CCDC152: variants seen among roughly 807,000 people sequenced by gnomAD.
The protein encoded by CCDC152 is coiled-coil domain containing 152.
In CCDC152, 37 loss-of-function variants were observed where a neutral mutation model predicts 38.1. That is an observed-to-expected ratio of 0.97 (90% CI 0.75 to 1.28). CCDC152 has a LOEUF of 1.28. Ranked by LOEUF, CCDC152 falls within the 50% of genes most tolerant of loss-of-function variation. The pLI, the probability that CCDC152 is intolerant of heterozygous loss-of-function variation, is 0.00. For missense variants in CCDC152, 259 were observed against 292.1 expected, an observed-to-expected ratio of 0.89 and a Z score of 0.83; for synonymous variants, 83 against 87.1, an observed-to-expected ratio of 0.95 and a Z score of 0.26.
chr5:42,775,001 G>C (rs1759753038), intron 4 of CCDC152, among the ~76,000 whole-genome samples: 1 of 140,726 alleles, frequency 7.1e-6, no homozygotes, highest in Non-Finnish European at 1.5e-5. Flanking sequence ...TATGTCAATA[G>C]AAACTTCCGA....
At chr5:42,799,539 TAAC>T (rs1265429131) in intron 8 of CCDC152, 81 bp downstream of exon 8, 2 of 1,168,744 alleles carry the variant, frequency 1.7e-6, no homozygotes, top group East Asian at 5.1e-5. Flanking sequence ...TAATTCTTAT[TAAC>T]AATATAAGGT....
intron 6 of CCDC152, among the ~76,000 whole-genome samples, chr5:42,793,842 C>T (rs1172651523): frequency 6.6e-6 from 1 of 152,174 alleles, no homozygotes; most frequent in African/African-American, 2.4e-5. Flanking sequence ...CTCCTGACCT[C>T]AGGTGAGCCA....
intron 6 of CCDC152, among the ~76,000 whole-genome samples, chr5:42,787,724 A>T (rs1031861170): frequency 6.6e-6 from 1 of 151,724 alleles, no homozygotes; most frequent in East Asian, 1.9e-4. Flanking sequence ...TGTCTTTTTT[A>T]CTGTTGTTGG....
Position 42,792,963 on chromosome 5 carries a change from G to A in CCDC152, c.431-3866G>A, listed in dbSNP as rs910168736. 5.3e-5 allele frequency among the ~76,000 whole-genome samples: 8 copies of A among 152,238 alleles called. No individual in the cohort carries two copies. In the East Asian group the frequency reaches 1.4e-3, roughly 26 times the overall value. On this transcript the variant is annotated intron_variant, in intron 6 of 8. Transcript: ENST00000361970. ...CGCACTCCTGGGTATTTACCCAAGAGGAATGAAAGCATATGTCTACCCAAA... is the reference window on the plus strand; with the variant it reads ...CGCACTCCTGGGTATTTACCCAAGAAGAATGAAAGCATATGTCTACCCAAA...
At chr5:42,799,262 A>G (rs1760125706) in intron 7 of CCDC152, 113 bp from the exon 8 acceptor site, 1 of 583,030 alleles carries the variant, frequency 1.7e-6, no homozygotes, top group Non-Finnish European at 2.9e-6. Context: ...CTATACTGTA[A>G]TTTACACCTG....
In CCDC152 at chr5:42,779,459, T is replaced by A; in HGVS notation, c.264T>A (p.Gly88=). The change falls in exon 5 of 9, where the codon GGT becomes GGA. Residue 88 remains glycine, a splice_region_variant and synonymous_variant. Transcript: ENST00000361970. ...QTIEYQQNLK[G]ENEQLKISAD... is the part of the protein sequence containing the mutation. ...TGTTCTTTGATTATTCTTACACAGG[T>A]GAAAATGAACAACTAAAAATAAGTG... 1 of 1,477,634 alleles carries A rather than the reference T, an allele frequency of 6.8e-7. No homozygotes were observed. The highest frequency in any genetic ancestry group is 9.2e-7 in the Non-Finnish European group (1 of 1,082,110). 91.5% of individuals were successfully genotyped at this position (1,477,634 alleles called of 1,614,324 possible).
intron 3 of CCDC152, 98 bp from the exon 4 acceptor site, chr5:42,769,499 T>G (rs555232278): frequency 0.022 from 28,152 of 1,294,640 alleles, 378 homozygotes; most frequent in Middle Eastern, 0.051. Flanking sequence ...TCACCATGCC[T>G]GGCTTAAATA....
At chr5:42,774,678 TCTC>T (rs1175937061) in intron 4 of CCDC152, among the ~76,000 whole-genome samples, 4 of 152,088 alleles carry the variant, frequency 2.6e-5, no homozygotes, top group Non-Finnish European at 4.4e-5. Flanking sequence ...ATAGAATACT[TCTC>T]CTTCTGCAAC....
intron 4 of CCDC152, among the ~76,000 whole-genome samples, chr5:42,770,536 G>A (rs927380567): frequency 6.6e-6 from 1 of 150,934 alleles, no homozygotes; most frequent in Non-Finnish European, 1.5e-5. Context: ...TCTGATTATT[G>A]TAGCTCTATA....
At chr5:42,797,281 CCTTT>C (rs2111603338) in intron 7 of CCDC152, among the ~76,000 whole-genome samples, 1 of 152,308 alleles carries the variant, frequency 6.6e-6, no homozygotes, top group South Asian at 2.1e-4. Context: ...TAACTGCAGG[CCTTT>C]CTGACTGCAG....
chr5:42,771,036 A>G (rs1759691765), intron 4 of CCDC152, among the ~76,000 whole-genome samples: 1 of 152,150 alleles, frequency 6.6e-6, no homozygotes, highest in Non-Finnish European at 1.5e-5. Flanking sequence ...GTATATAGTC[A>G]TGTCATCTGC....
chr5:42,779,998 T>TG, intron 5 of CCDC152, among the ~76,000 whole-genome samples: 1 of 152,184 alleles, frequency 6.6e-6, no homozygotes, highest in Non-Finnish European at 1.5e-5. Context: ...CCATACCCTC[T>TG]GCTACTTTTC....
intron 5 of CCDC152, 110 bp downstream of exon 5, chr5:42,779,632 G>GGTGT (rs551313054): frequency 4.9e-6 from 3 of 610,788 alleles, no homozygotes; most frequent in Admixed American, 3.2e-5. Context: ...AATGTTTGTG[G>GGTGT]GTGTGTGTGT....
In CCDC152 at chr5:42,776,729, A is replaced by G. The variant is rs138266597; in HGVS notation, c.263-2729A>G. 2.5e-3 allele frequency among the ~76,000 whole-genome samples: 388 copies of G among 152,308 alleles called. 3 individuals carry two copies. The highest frequency in any genetic ancestry group is 0.01 in the Middle Eastern group (3 of 294). On this transcript the variant is annotated intron_variant, in intron 4 of 8. Transcript: ENST00000361970. The stretch of plus-strand genomic sequence containing the variant: ...ATACAATGTCTGCTGTCAGGCCACA[A>G]TGGAATTAAAGTAGACATCAAAAAC...
chr5:42,797,100 A>C (rs1195418783), intron 7 of CCDC152, 144 bp downstream of exon 7: 6 of 600,782 alleles, frequency 1.0e-5, no homozygotes, highest in Non-Finnish European at 1.7e-5. Context: ...TCTCCACCAA[A>C]TGATTGCAGT....
chr5:42,787,602 A>G (rs548689531), intron 6 of CCDC152, among the ~76,000 whole-genome samples: 1 of 152,222 alleles, frequency 6.6e-6, no homozygotes, highest in Admixed American at 6.5e-5. Context: ...TCACTTGTTA[A>G]GTCTTTTTGT....
chr5:42,769,008 A>G lies in CCDC152; in HGVS notation c.194-589A>G, dbSNP rs573097040. Among the ~76,000 whole-genome samples the G allele has an allele frequency of 4.6e-5, 7 of 152,242 alleles. No homozygotes were observed. The South Asian group carries it at 1.4e-3, about 32-fold the overall frequency. On this transcript the variant is annotated intron_variant, in intron 3 of 8. Transcript: ENST00000361970. ...CATTTTAGGAGACCAAGGGGGGTGG[A>G]TCACCTGAGGCAGGTGGATTACTTG... is the stretch of plus-strand genomic sequence containing the variant.
At chr5:42,798,523 G>A (rs1419635715) in intron 7 of CCDC152, among the ~76,000 whole-genome samples, 1 of 152,160 alleles carries the variant, frequency 6.6e-6, no homozygotes, top group African/African-American at 2.4e-5. Flanking sequence ...ATGGCCAACT[G>A]AAATTAATAG....
chr5:42,759,003 C>T, intron 1 of CCDC152, 117 bp from the exon 2 acceptor site: 3 of 656,874 alleles, frequency 4.6e-6, no homozygotes, highest in Non-Finnish European at 7.4e-6. Context: ...CAATGGAGCC[C>T]AAGTAGGTGC....
Sources: allele counts gnomAD v4.1 joint callset (sites outside exome capture counted in the v4.1 genomes callset), GRCh38; gene constraint gnomAD v4.1.1; transcripts MANE v1.5; gene names NCBI Gene and HGNC (gene_info 2026-07-23, HGNC 2026-07-21).